CHCHD3: variants seen among roughly 807,000 people sequenced by gnomAD.
CHCHD3 encodes coiled-coil-helix-coiled-coil-helix domain containing 3, also known as MICOS complex subunit MIC19.
CHCHD3 carries 20 observed loss-of-function variants against 38.2 expected under a neutral mutation model. That is an observed-to-expected ratio of 0.52 (90% confidence interval 0.37 to 0.76). The LOEUF is 0.76. CHCHD3 is among the 30% of genes least tolerant of loss of function. CHCHD3 has a pLI of 0.00. For synonymous variants in CHCHD3, 82 were observed against 100.0 expected, an observed-to-expected ratio of 0.82 and a Z score of 1.07; for missense variants, 245 against 279.2, an observed-to-expected ratio of 0.88 and a Z score of 0.87.
intron 2 of CHCHD3, among the ~76,000 whole-genome samples, chr7:133,068,193 T>C (rs754406400): frequency 3.3e-5 from 5 of 152,160 alleles, no homozygotes; most frequent in Non-Finnish European, 5.9e-5. Context: ...GAATTAAATG[T>C]ATAGAACTCT....
At chr7:132,938,857 C>A (rs2117267174) in intron 4 of CHCHD3, among the ~76,000 whole-genome samples, 1 of 152,280 alleles carries the variant, frequency 6.6e-6, no homozygotes, top group African/African-American at 2.4e-5. Flanking sequence ...ACACAACCCA[C>A]TGACCCCACT....
At chr7:133,004,006 GC>G (rs1812637956) in intron 3 of CHCHD3, among the ~76,000 whole-genome samples, 1 of 151,036 alleles carries the variant, frequency 6.6e-6, no homozygotes, top group African/African-American at 2.4e-5. Flanking sequence ...CACCCAGGCT[GC>G]AGTACAATGG....
intron 4 of CHCHD3, among the ~76,000 whole-genome samples, chr7:132,913,955 T>C (rs1431429459): frequency 2.0e-4 from 29 of 147,842 alleles, no homozygotes; most frequent in African/African-American, 5.0e-4. Context: ...TTTCTTTTTT[T>C]TTTTTTTTTT....
intron 6 of CHCHD3, among the ~76,000 whole-genome samples, chr7:132,826,436 G>A (rs1563247267): frequency 6.6e-6 from 1 of 152,192 alleles, no homozygotes; most frequent in East Asian, 1.9e-4. Context: ...CACTAGCTGA[G>A]GTGACTTGTG....
At chr7:133,022,225 G>A (rs1051813884) in intron 3 of CHCHD3, among the ~76,000 whole-genome samples, 1 of 152,140 alleles carries the variant, frequency 6.6e-6, no homozygotes, top group African/African-American at 2.4e-5. Flanking sequence ...ATGTACGTAC[G>A]TAGATGCGTA....
At chr7:132,896,986 G>A (rs936711488) in intron 4 of CHCHD3, among the ~76,000 whole-genome samples, 2 of 152,182 alleles carry the variant, frequency 1.3e-5, no homozygotes, top group South Asian at 2.1e-4. Flanking sequence ...ACAGATTGGC[G>A]TTATCAACTA....
At chr7:132,905,097 G>C (rs1042254021) in intron 4 of CHCHD3, among the ~76,000 whole-genome samples, 1 of 150,544 alleles carries the variant, frequency 6.6e-6, no homozygotes, top group South Asian at 2.1e-4. Context: ...GGGGCCTGTC[G>C]TGGGGTGGGG....
intron 6 of CHCHD3, among the ~76,000 whole-genome samples, chr7:132,809,753 C>T (rs955627949): frequency 1.3e-5 from 2 of 152,180 alleles, no homozygotes; most frequent in Non-Finnish European, 2.9e-5. Flanking sequence ...TGCACATATT[C>T]CTAATGTCCA....
chr7:132,821,287 T>A (rs1585544620), intron 6 of CHCHD3, among the ~76,000 whole-genome samples: 1 of 152,202 alleles, frequency 6.6e-6, no homozygotes, highest in East Asian at 1.9e-4. Context: ...AATTCCAATA[T>A]AACAGCTCTG....
At chr7:132,853,686 T>A (rs900261438) in intron 5 of CHCHD3, among the ~76,000 whole-genome samples, 3 of 152,148 alleles carry the variant, frequency 2.0e-5, no homozygotes, top group South Asian at 2.1e-4. Context: ...AATATCTATA[T>A]TCAATGAAGA....
At chr7:133,052,949 T>C (rs759474489) in intron 2 of CHCHD3, among the ~76,000 whole-genome samples, 14 of 152,182 alleles carry the variant, frequency 9.2e-5, no homozygotes, top group Non-Finnish European at 1.5e-4. Flanking sequence ...AACAACAATA[T>C]TTCATCTGTA....
chr7:133,011,011 A>T (rs759812576), intron 3 of CHCHD3, among the ~76,000 whole-genome samples: 3 of 152,204 alleles, frequency 2.0e-5, no homozygotes, highest in African/African-American at 7.2e-5. Flanking sequence ...ATGACCAGGG[A>T]AATCCTCTCT....
intron 4 of CHCHD3, among the ~76,000 whole-genome samples, chr7:132,929,919 G>C (rs150019814): frequency 2.0e-3 from 302 of 152,244 alleles, no homozygotes; most frequent in Middle Eastern, 0.014. Context: ...TTTCCTGCAT[G>C]ATGGCTGTAA....
intron 3 of CHCHD3, among the ~76,000 whole-genome samples, chr7:132,991,224 T>C (rs1812276809): frequency 6.6e-6 from 1 of 152,220 alleles, no homozygotes; most frequent in South Asian, 2.1e-4. Flanking sequence ...CTTGTTATCA[T>C]TACATAATTT....
intron 2 of CHCHD3, among the ~76,000 whole-genome samples, chr7:133,036,460 C>T (rs972781444): frequency 2.0e-5 from 3 of 152,124 alleles, no homozygotes; most frequent in African/African-American, 4.8e-5. Context: ...GCAAAACTTT[C>T]ATTTTACAGT....
At chr7:132,851,549 T>C (rs942370863) in intron 5 of CHCHD3, among the ~76,000 whole-genome samples, 4 of 152,220 alleles carry the variant, frequency 2.6e-5, no homozygotes, top group Non-Finnish European at 4.4e-5. Context: ...ACCTGAGACC[T>C]TTCTGCTTTT....
intron 6 of CHCHD3, among the ~76,000 whole-genome samples, chr7:132,824,424 T>G (rs1807457801): frequency 6.8e-6 from 1 of 147,340 alleles, no homozygotes; most frequent in Non-Finnish European, 1.5e-5. Context: ...GTTCACGCCA[T>G]TCTCCTGCCT....
At chr7:132,934,874 A>G (rs1051809718) in intron 4 of CHCHD3, among the ~76,000 whole-genome samples, 2 of 152,202 alleles carry the variant, frequency 1.3e-5, no homozygotes, top group Non-Finnish European at 2.9e-5. Context: ...CTCAATTTCT[A>G]TTTATAACAC....
intron 4 of CHCHD3, among the ~76,000 whole-genome samples, chr7:132,907,304 C>T (rs1286940878): frequency 6.6e-6 from 1 of 152,166 alleles, no homozygotes; most frequent in Non-Finnish European, 1.5e-5. Flanking sequence ...TCTACAGATG[C>T]CACGTTTTTC....
Sources: gnomAD v4.1 joint callset for allele counts (sites outside exome capture counted in the v4.1 genomes callset) on GRCh38, gnomAD v4.1.1 for gene constraint, MANE v1.5 for transcripts, NCBI Gene and HGNC (gene_info 2026-07-23, HGNC 2026-07-21) for gene names.